KRCC1: variants seen among roughly 807,000 people sequenced by gnomAD.
KRCC1 encodes the protein lysine-rich coiled-coil protein 1.
A neutral mutation model predicts 7.4 loss-of-function variants in KRCC1; 3 were observed. The ratio of observed to expected loss-of-function variants is 0.40; its 90% CI spans 0.18 to 1.04. KRCC1 has a LOEUF of 1.04. KRCC1 is among the 50% of genes least tolerant of loss of function. The probability of loss-of-function intolerance (pLI) is 0.33; values close to 1 mark genes in which losing one functional copy is unlikely to be tolerated. For synonymous variants in KRCC1, 102 were observed against 101.6 expected (o/e 1.00, Z -0.02); for missense variants, 277 against 300.9 (o/e 0.92, Z 0.59).
intron 1 of KRCC1, among the ~76,000 whole-genome samples, chr2:88,054,198 T>C (rs1049561230): frequency 4.6e-5 from 7 of 152,194 alleles, no homozygotes; most frequent in Non-Finnish European, 1.0e-4. Flanking sequence ...GCTCTCCCCA[T>C]CCTTGGAGAG....
chr2:88,046,972 C>A (rs1416069885), intron 1 of KRCC1, among the ~76,000 whole-genome samples: 1 of 152,132 alleles, frequency 6.6e-6, no homozygotes, highest in Non-Finnish European at 1.5e-5. Context: ...CCATGCCCAG[C>A]CAGGTCTTTA....
intron 1 of KRCC1, among the ~76,000 whole-genome samples, chr2:88,053,074 A>G (rs892720685): frequency 1.3e-5 from 2 of 151,786 alleles, no homozygotes; most frequent in African/African-American, 4.8e-5. Flanking sequence ...TCTCTGCTCA[A>G]TGATGACAAC....
chr2:88,027,710 G>T lies in KRCC1; in HGVS notation c.*74C>A. On this transcript the variant is annotated 3_prime_UTR_variant, in exon 4 of 4. Coordinates refer to ENST00000347055, the MANE Select transcript of KRCC1 (RefSeq NM_016618.3). The stretch of plus-strand genomic sequence containing the variant: ...CCTATTCACATAAGAAAAGTGGTAT[G>T]AACACGGATATCATAAAACCAAGCT... 1 of 1,334,238 alleles carries T rather than the reference G, an allele frequency of 7.5e-7. No homozygotes were observed. Among genetic ancestry groups the T allele is most frequent in the South Asian group, 1.5e-5 (1 of 67,994 alleles). 82.6% of individuals were successfully genotyped at this position (1,334,238 alleles called of 1,614,324 possible).
chr2:88,045,845 A>G (rs946686618), intron 1 of KRCC1, among the ~76,000 whole-genome samples: 1 of 151,776 alleles, frequency 6.6e-6, no homozygotes, highest in African/African-American at 2.4e-5. Flanking sequence ...CATCATGCCC[A>G]ATTTTTGTAT....
At chr2:88,039,918 A>G (rs1469666352) in intron 1 of KRCC1, among the ~76,000 whole-genome samples, 1 of 151,664 alleles carries the variant, frequency 6.6e-6, no homozygotes, top group Non-Finnish European at 1.5e-5. Flanking sequence ...TAGTACCAAC[A>G]CTTTGGGAGG....
intron 1 of KRCC1, among the ~76,000 whole-genome samples, chr2:88,050,248 T>C (rs1023724545): frequency 1.3e-5 from 2 of 152,240 alleles, no homozygotes; most frequent in African/African-American, 2.4e-5. Context: ...GCAATTACTA[T>C]GTAAATGAGT....
intron 1 of KRCC1, among the ~76,000 whole-genome samples, chr2:88,042,186 G>A (rs1446512358): frequency 1.3e-5 from 2 of 150,996 alleles, no homozygotes; most frequent in Admixed American, 6.6e-5. Flanking sequence ...TCAGCCTCCT[G>A]AGTAGCTGGG....
chr2:88,043,183 A>T (rs1673250363), intron 1 of KRCC1, among the ~76,000 whole-genome samples: 2 of 152,200 alleles, frequency 1.3e-5, no homozygotes, highest in Admixed American at 1.3e-4. Context: ...TGACCAAAAC[A>T]ATCTATAGGC....
rs761915198 is a variant in KRCC1 at position 88,028,044 on chromosome 2, C to A, written c.520G>T (p.Glu174Ter). The change falls in exon 4 of 4, where the codon GAG (glutamate) becomes TAG (stop). Residue 174 changes from glutamate to a stop codon, truncating the protein, a stop_gained. Coordinates refer to ENST00000347055, the MANE Select transcript of KRCC1 (RefSeq NM_016618.3). LOFTEE classifies it high-confidence loss of function. ...TTTTTTCTCTTATGCTTAGACCGCT[C>A]CTCCTCTGATTTTTCTCTGCCTTCC... is the stretch of plus-strand genomic sequence containing the variant. ...PEEGREKSEEERSKHKRKKSC... is the reference protein window; with the variant it reads ...PEEGREKSEE 3 of 1,613,954 alleles carry A rather than the reference C, an allele frequency of 1.9e-6. No homozygotes were observed. The highest frequency in any genetic ancestry group is 2.5e-6 in the Non-Finnish European group (3 of 1,180,030).
intron 3 of KRCC1, among the ~76,000 whole-genome samples, chr2:88,033,135 T>C (rs908487165): frequency 2.6e-5 from 4 of 152,220 alleles, no homozygotes; most frequent in African/African-American, 9.6e-5. Flanking sequence ...GATCCTTTCA[T>C]GGCTATATAC....
At chr2:88,031,647 A>T (rs1672993532) in intron 3 of KRCC1, among the ~76,000 whole-genome samples, 3 of 151,880 alleles carry the variant, frequency 2.0e-5, no homozygotes, top group Non-Finnish European at 4.4e-5. Context: ...TAAAAATAAA[A>T]AAAAAGTTAA....
chr2:88,033,354 G>A (rs558522389), intron 3 of KRCC1, among the ~76,000 whole-genome samples: 5 of 152,172 alleles, frequency 3.3e-5, no homozygotes, highest in African/African-American at 9.6e-5. Flanking sequence ...TGAAACCTCC[G>A]TCTCTACTAA....
At chr2:88,038,423 C>T (rs1236658135) in intron 1 of KRCC1, among the ~76,000 whole-genome samples, 1 of 152,142 alleles carries the variant, frequency 6.6e-6, no homozygotes, top group Non-Finnish European at 1.5e-5. Flanking sequence ...TGAAGAATGC[C>T]ACATAAGCTA....
chr2:88,055,411 G>A (rs999580940), intron 1 of KRCC1, among the ~76,000 whole-genome samples: 2 of 151,948 alleles, frequency 1.3e-5, no homozygotes, highest in Non-Finnish European at 2.9e-5. Flanking sequence ...CGCAAGCCGA[G>A]CGCCCCTTCC....
chr2:88,053,518 T>C (rs1441031844), intron 1 of KRCC1, among the ~76,000 whole-genome samples: 1 of 152,184 alleles, frequency 6.6e-6, no homozygotes, highest in Non-Finnish European at 1.5e-5. Flanking sequence ...TATTTATTAG[T>C]GAGAGGCAGG....
intron 1 of KRCC1, among the ~76,000 whole-genome samples, chr2:88,051,872 TTTGG>T (rs1449868667): frequency 6.6e-6 from 1 of 152,168 alleles, no homozygotes; most frequent in Admixed American, 6.6e-5. Flanking sequence ...AAGAACTGAG[TTTGG>T]TTGGTGCAGG....
intron 1 of KRCC1, among the ~76,000 whole-genome samples, chr2:88,043,032 C>T (rs1334047090): frequency 6.6e-6 from 1 of 152,204 alleles, no homozygotes; most frequent in African/African-American, 2.4e-5. Flanking sequence ...CTCCCTACTA[C>T]TCTCCTTCTT....
At chr2:88,029,839 A>AAAT (rs1553450912) in intron 3 of KRCC1, among the ~76,000 whole-genome samples, 5 of 77,940 alleles carry the variant, frequency 6.4e-5, no homozygotes, top group East Asian at 5.1e-4. Flanking sequence ...TATATAAAAA[A>AAAT]ATATATATAT....
intron 1 of KRCC1, among the ~76,000 whole-genome samples, chr2:88,047,792 G>C (rs1315768876): frequency 2.0e-5 from 3 of 152,142 alleles, no homozygotes; most frequent in Admixed American, 2.0e-4. Flanking sequence ...GCCTCTCAAA[G>C]TGCTGGGATT....
Sources: allele counts gnomAD v4.1 joint callset (sites outside exome capture counted in the v4.1 genomes callset), GRCh38; gene constraint gnomAD v4.1.1; transcripts MANE v1.5; gene names NCBI Gene and HGNC (gene_info 2026-07-23, HGNC 2026-07-21).